The following TMEM167A variants were observed in gnomAD, a reference collection of about 807,000 sequenced individuals.
TMEM167A encodes transmembrane protein 167A, also known as protein kish-A.
In TMEM167A, 8 loss-of-function variants were observed where a neutral mutation model predicts 11.6. That is an observed-to-expected ratio of 0.69 (90% CI 0.40 to 1.24). The LOEUF is 1.24. Among genes scored for constraint, TMEM167A ranks in the 50% most tolerant of loss-of-function variants. TMEM167A has a pLI of 0.01. For synonymous variants in TMEM167A, 22 were observed against 28.0 expected (o/e 0.79, Z 0.67); for missense variants, 62 against 87.0 (o/e 0.71, Z 1.14).
At chr5:83,071,901 C>G (rs1180385924) in intron 1 of TMEM167A, among the ~76,000 whole-genome samples, 1 of 152,164 alleles carries the variant, frequency 6.6e-6, no homozygotes, top group African/African-American at 2.4e-5. Context: ...ATCAACATCT[C>G]ACATCTCCAC....
intron 1 of TMEM167A, among the ~76,000 whole-genome samples, chr5:83,070,920 A>G (rs1199644383): frequency 6.6e-6 from 1 of 152,158 alleles, no homozygotes; most frequent in African/African-American, 2.4e-5. Flanking sequence ...CAAATAAGAA[A>G]TCTTAAAAAG....
chr5:83,059,722 C>T (rs1744380093), intron 3 of TMEM167A, among the ~76,000 whole-genome samples: 1 of 152,016 alleles, frequency 6.6e-6, no homozygotes, highest in Non-Finnish European at 1.5e-5. Context: ...CCATAAATTT[C>T]TGTAAATCTA....
intron 1 of TMEM167A, among the ~76,000 whole-genome samples, chr5:83,076,510 C>T (rs1349330781): frequency 6.6e-6 from 1 of 152,216 alleles, no homozygotes; most frequent in Non-Finnish European, 1.5e-5. Flanking sequence ...ATCTTCCCAC[C>T]AGGTGGTAAA....
chr5:83,068,542 T>C (rs1744515677), intron 1 of TMEM167A, among the ~76,000 whole-genome samples: 1 of 151,888 alleles, frequency 6.6e-6, no homozygotes, highest in African/African-American at 2.4e-5. Flanking sequence ...GCCATTTTTG[T>C]AAGAAAAAGT....
chr5:83,061,922 TAAAAAAAG>T lies in TMEM167A; in HGVS notation c.114-19_114-12del. The T allele has an allele frequency of 6.2e-7, 1 of 1,609,470 alleles. No homozygotes were observed. The highest frequency in any genetic ancestry group is 8.5e-7 in the Non-Finnish European group (1 of 1,176,754). ...AATATACCCAACAATCTGCATAGAA[TAAAAAAAG>T]AAAAAAAGTAGCTATTGATTACTCG... On this transcript the variant is annotated splice_polypyrimidine_tract_variant and intron_variant, in intron 2 of 3. Coordinates refer to ENST00000502346, the MANE Select transcript of TMEM167A (RefSeq NM_174909.5).
intron 1 of TMEM167A, among the ~76,000 whole-genome samples, chr5:83,072,565 G>A (rs1012793918): frequency 6.6e-6 from 1 of 152,102 alleles, no homozygotes; most frequent in Non-Finnish European, 1.5e-5. Flanking sequence ...GTCTCACTCT[G>A]TTGCCCAGAC....
At chr5:83,072,526 A>C (rs1744576879) in intron 1 of TMEM167A, among the ~76,000 whole-genome samples, 1 of 151,558 alleles carries the variant, frequency 6.6e-6, no homozygotes, top group Non-Finnish European at 1.5e-5. Flanking sequence ...GTTTCTTAAA[A>C]TTCCCTGAAA....
chr5:83,066,976 G>C (rs1469543993), intron 1 of TMEM167A, among the ~76,000 whole-genome samples: 1 of 152,118 alleles, frequency 6.6e-6, no homozygotes, highest in Non-Finnish European at 1.5e-5. Context: ...TCCCAGGAGG[G>C]CCAAGCCCTA....
intron 1 of TMEM167A, among the ~76,000 whole-genome samples, chr5:83,069,709 C>T (rs995136003): frequency 1.3e-5 from 2 of 152,048 alleles, no homozygotes; most frequent in African/African-American, 4.8e-5. Flanking sequence ...TAGAACACAT[C>T]ATACTGTACT....
intron 2 of TMEM167A, among the ~76,000 whole-genome samples, chr5:83,062,245 G>C (rs530806863): frequency 6.6e-6 from 1 of 152,252 alleles, no homozygotes; most frequent in Non-Finnish European, 1.5e-5. Context: ...AGCAGAAAAT[G>C]TATATGGCAA....
At chr5:83,067,677 G>C (rs1193657893) in intron 1 of TMEM167A, among the ~76,000 whole-genome samples, 1 of 148,538 alleles carries the variant, frequency 6.7e-6, no homozygotes, top group East Asian at 1.9e-4. Context: ...GCTAAATTTT[G>C]TATTTTTTTT....
At position 83,056,971 on chromosome 5, in the gene TMEM167A, T is replaced by C. The variant is rs1744341138; in HGVS notation, c.*113A>G. 1.1e-6 allele frequency: 1 copy of C among 915,070 alleles called. No individual in the cohort carries two copies. The highest frequency in any genetic ancestry group is 1.7e-5 in the African/African-American group (1 of 60,462). 56.7% of individuals were successfully genotyped at this position (915,070 alleles called of 1,614,324 possible). Reference sequence around the variant, plus strand: ...ATAGAGAACAGCATCTGGAAATTTATCTCATTCAATGTTCGGAGATAAAAG... The same window carrying C: ...ATAGAGAACAGCATCTGGAAATTTACCTCATTCAATGTTCGGAGATAAAAG... On this transcript the variant is annotated 3_prime_UTR_variant, in exon 4 of 4. Coordinates refer to ENST00000502346, the MANE Select transcript of TMEM167A (RefSeq NM_174909.5).
At position 83,065,150 on chromosome 5, in the gene TMEM167A, T is replaced by TCA. The variant is rs111564958; in HGVS notation, c.4-35_4-34dup. 621 of 1,387,208 alleles carry TCA rather than the reference T, an allele frequency of 4.5e-4. 2 individuals are homozygous for TCA. In the African/African-American group the frequency reaches 7.8e-3, roughly 17 times the overall value. 85.9% of individuals were successfully genotyped at this position (1,387,208 alleles called of 1,614,324 possible). A position where few individuals can be genotyped will look rare whatever the true frequency, so the allele number is the denominator to read the frequency against. On this transcript the variant is annotated intron_variant, in intron 1 of 3. Coordinates refer to ENST00000502346, the MANE Select transcript of TMEM167A (RefSeq NM_174909.5). ...GAAAAAAAAAAAAGAAAAATTAATA[T>TCA]CAAGAAAAACTGCATAGGTAAAAAA...
At chr5:83,075,175 A>G (rs1245769173) in intron 1 of TMEM167A, among the ~76,000 whole-genome samples, 1 of 152,196 alleles carries the variant, frequency 6.6e-6, no homozygotes. Flanking sequence ...GTTTTCTGTG[A>G]AAAGGGTTAT....
intron 3 of TMEM167A, among the ~76,000 whole-genome samples, chr5:83,061,290 CAT>C (rs1417584209): frequency 2.0e-5 from 3 of 152,216 alleles, no homozygotes; most frequent in Non-Finnish European, 2.9e-5. Flanking sequence ...ATACTATCAA[CAT>C]GTGTGCATAA....
At chr5:83,063,114 A>C (rs947642220) in intron 2 of TMEM167A, among the ~76,000 whole-genome samples, 1 of 152,132 alleles carries the variant, frequency 6.6e-6, no homozygotes, top group Admixed American at 6.5e-5. Context: ...ATATTCTGAC[A>C]GGCTAAACAA....
intron 2 of TMEM167A, among the ~76,000 whole-genome samples, chr5:83,063,947 G>C (rs867334345): frequency 6.6e-6 from 1 of 151,838 alleles, no homozygotes; most frequent in Non-Finnish European, 1.5e-5. Flanking sequence ...AATCTGTCTA[G>C]ATATCTCCAC....
At chr5:83,074,264 T>C (rs1034925872) in intron 1 of TMEM167A, among the ~76,000 whole-genome samples, 3 of 152,180 alleles carry the variant, frequency 2.0e-5, no homozygotes, top group Admixed American at 6.5e-5. Context: ...TGCCATTTCC[T>C]TTATCTACGG....
chr5:83,055,662 A>G lies in TMEM167A; in HGVS notation c.*1422T>C, dbSNP rs1744318651. On this transcript the variant is annotated 3_prime_UTR_variant, in exon 4 of 4. Transcript: ENST00000502346. ...AAAAAACACCCCCAAACAAAAAACCACCACAGGCAACACACAAGCTTAAGA... is the reference window on the plus strand; with the variant it reads ...AAAAAACACCCCCAAACAAAAAACCGCCACAGGCAACACACAAGCTTAAGA... The G allele has an allele frequency of 6.6e-6, 1 of 151,962 alleles. No individual in the cohort carries two copies. Among genetic ancestry groups the G allele is most frequent in the Non-Finnish European group, 1.5e-5 (1 of 67,954 alleles). The allele number at this position is 151,962 out of a possible 1,614,324, so 9.4% of individuals were successfully genotyped here. A position where few individuals can be genotyped will look rare whatever the true frequency, so the allele number is the denominator to read the frequency against.
Sources: gnomAD v4.1 joint callset for allele counts (sites outside exome capture counted in the v4.1 genomes callset) on GRCh38, gnomAD v4.1.1 for gene constraint, MANE v1.5 for transcripts, NCBI Gene and HGNC (gene_info 2026-07-23, HGNC 2026-07-21) for gene names.